AEBP2: variants seen among roughly 807,000 people sequenced by gnomAD.
The protein encoded by AEBP2 is AE binding protein 2, also known as zinc finger protein AEBP2.
Under a neutral mutation model 50.8 loss-of-function variants are expected in AEBP2, and 10 were observed. That is an observed-to-expected ratio of 0.20 (90% CI 0.12 to 0.33). The LOEUF is 0.33. Ranked by LOEUF, AEBP2 falls within the 10% of genes least tolerant of loss-of-function variation. The pLI is 1.00. For synonymous variants in AEBP2, 296 were observed against 261.3 expected (o/e 1.13, Z -1.28); for missense variants, 570 against 688.0 (o/e 0.83, Z 1.92).
At chr12:19,508,786 G>A in intron 5 of AEBP2, 1 of 178,300 alleles carries the variant, frequency 5.6e-6, no homozygotes, top group Non-Finnish European at 1.2e-5. Flanking sequence ...AATGCCTTAA[G>A]TTGTAAATTA....
chr12:19,456,452 C>T, intron 1 of AEBP2: 2 of 1,442,974 alleles, frequency 1.4e-6, no homozygotes, highest in East Asian at 2.3e-5. Context: ...CACCAGAGTT[C>T]AAGAAGTTAG....
chr12:19,416,375 C>A (rs1382703605), intron 1 of AEBP2, among the ~76,000 whole-genome samples: 1 of 151,928 alleles, frequency 6.6e-6, no homozygotes, highest in Non-Finnish European at 1.5e-5. Context: ...TATAAATAAT[C>A]TGAGATACAA....
intron 1 of AEBP2, among the ~76,000 whole-genome samples, chr12:19,409,044 G>T (rs942058730): frequency 6.6e-6 from 1 of 151,976 alleles, no homozygotes; most frequent in Non-Finnish European, 1.5e-5. Context: ...CTGGCATAGA[G>T]TTTGGCATAG....
At chr12:19,439,168 G>C (rs1002628403), upstream of AEBP2, among the ~76,000 whole-genome samples, 1 of 152,300 alleles carries the variant, frequency 6.6e-6, no homozygotes, top group East Asian at 1.9e-4. Flanking sequence ...TCTCTTCGTA[G>C]ACTGTAGGCT....
intron 2 of AEBP2, among the ~76,000 whole-genome samples, chr12:19,464,667 A>C (rs533369533): frequency 6.6e-6 from 1 of 151,300 alleles, no homozygotes; most frequent in Non-Finnish European, 1.5e-5. Flanking sequence ...GCTCACTGCA[A>C]CCTCTGCCTC....
At chr12:19,418,952 C>G (rs898432610) in intron 1 of AEBP2, 2 of 152,394 alleles carry the variant, frequency 1.3e-5, no homozygotes, top group African/African-American at 4.8e-5. Flanking sequence ...AGACAATTTT[C>G]GTCAATATCT....
chr12:19,437,290 G>A (rs1475656675), upstream of AEBP2, among the ~76,000 whole-genome samples: 4 of 152,130 alleles, frequency 2.6e-5, no homozygotes, highest in Admixed American at 1.3e-4. Context: ...CTTTCTCTGG[G>A]TCTTTACTTC....
At chr12:19,487,185 T>C (rs533219298) in intron 3 of AEBP2, among the ~76,000 whole-genome samples, 18 of 152,324 alleles carry the variant, frequency 1.2e-4, no homozygotes, top group African/African-American at 4.1e-4. Flanking sequence ...GTGTTAGATA[T>C]ATGTATTATA....
At chr12:19,501,879 G>C (rs1366874564) in intron 5 of AEBP2, among the ~76,000 whole-genome samples, 1 of 140,278 alleles carries the variant, frequency 7.1e-6, no homozygotes, top group Non-Finnish European at 1.5e-5. Context: ...CTGCGACCGT[G>C]GTTACAACCA....
chr12:19,495,924 C>T (rs367899112), intron 4 of AEBP2, among the ~76,000 whole-genome samples: 40 of 152,156 alleles, frequency 2.6e-4, no homozygotes, highest in African/African-American at 9.6e-4. Context: ...ATTTTGACAT[C>T]CTTTATAAAA....
intron 1 of AEBP2, among the ~76,000 whole-genome samples, chr12:19,448,621 A>G (rs1398215535): frequency 6.6e-6 from 1 of 152,228 alleles, no homozygotes; most frequent in African/African-American, 2.4e-5. Flanking sequence ...ACCTGATTGC[A>G]TATTTCTTTC....
At chr12:19,440,467 C>T in intron 1 of AEBP2, 97 bp downstream of exon 1, 1 of 1,410,802 alleles carries the variant, frequency 7.1e-7, no homozygotes, top group Non-Finnish European at 9.2e-7. Flanking sequence ...GATCCCCCTG[C>T]TCCCCGAATC....
chr12:19,452,465 T>A (rs1393412810), intron 1 of AEBP2, among the ~76,000 whole-genome samples: 1 of 152,234 alleles, frequency 6.6e-6, no homozygotes, highest in East Asian at 1.9e-4. Context: ...TTAATAGTCA[T>A]AACCTGTAAC....
intron 1 of AEBP2, among the ~76,000 whole-genome samples, chr12:19,425,195 G>C (rs1228678291): frequency 6.6e-6 from 1 of 152,052 alleles, no homozygotes. Context: ...GTGGGTCAAC[G>C]ACACAGTCCT....
At chr12:19,449,490 G>A (rs1173529942) in intron 1 of AEBP2, among the ~76,000 whole-genome samples, 6 of 152,266 alleles carry the variant, frequency 3.9e-5, no homozygotes, top group East Asian at 1.9e-4. Flanking sequence ...TGCTCAGTGC[G>A]TAGTGGTGAT....
intron 1 of AEBP2, among the ~76,000 whole-genome samples, chr12:19,441,378 A>G (rs1947956019): frequency 6.6e-6 from 1 of 152,218 alleles, no homozygotes; most frequent in Admixed American, 6.5e-5. Flanking sequence ...AAAAACGAGA[A>G]TCACATGCAT....
At chr12:19,442,075 C>A (rs909028482) in intron 1 of AEBP2, among the ~76,000 whole-genome samples, 27 of 152,056 alleles carry the variant, frequency 1.8e-4, no homozygotes, top group African/African-American at 6.5e-4. Flanking sequence ...GTTCTCAAGT[C>A]CCCTATTATT....
chr12:19,435,150 GA>G (rs1485353237), upstream of AEBP2, among the ~76,000 whole-genome samples: 1 of 144,636 alleles, frequency 6.9e-6, no homozygotes, highest in African/African-American at 2.6e-5. Context: ...TTTTTTTTGA[GA>G]CAAAGTCTCA....
intron 1 of AEBP2, among the ~76,000 whole-genome samples, chr12:19,451,600 A>G (rs1948166555): frequency 6.6e-6 from 1 of 152,124 alleles, no homozygotes; most frequent in Admixed American, 6.5e-5. Flanking sequence ...GATTAAATTC[A>G]AGGGGAGGTA....
Sources: gnomAD v4.1 joint callset for allele counts (sites outside exome capture counted in the v4.1 genomes callset) on GRCh38, gnomAD v4.1.1 for gene constraint, MANE v1.5 for transcripts, NCBI Gene and HGNC (gene_info 2026-07-23, HGNC 2026-07-21) for gene names.